Variants in ZNF536 observed in about 807,000 individuals in gnomAD.
ZNF536 encodes zinc finger protein 536.
In ZNF536, 13 loss-of-function variants were observed where a neutral mutation model predicts 84.5. That is an observed-to-expected ratio of 0.15 (90% CI 0.10 to 0.24). ZNF536 has a LOEUF of 0.24. Among genes scored for constraint, ZNF536 ranks in the 10% least tolerant of loss-of-function variants. ZNF536 has a pLI of 1.00. For synonymous variants in ZNF536, 811 were observed against 742.5 expected (o/e 1.09, Z -1.50); for missense variants, 1,536 against 1,747.5 (o/e 0.88, Z 2.16).
rs1446333389 is a variant in ZNF536 at position 30,549,113 on chromosome 19, C to T, written c.3494C>T (p.Ala1165Val). ...KNTTDDLSDI[A>V]SSEDMDSSKG... ...ACTACTGATGACCTCTCTGACATTG[C>T]CTCCTCAGAGGACATGGACTCCTCC... The change falls in exon 4 of 5, where the codon GCC becomes GTC. Residue 1165 changes from alanine (A) to valine (V), a missense_variant. Ala to Val is a moderately conservative substitution (Grantham distance 64). This residue lies in a region of ZNF536 where 624 missense variants were observed against 603.1 expected (regional missense o/e 1.03). Transcript: ENST00000355537. 6.2e-7 allele frequency: 1 copy of T among 1,614,166 alleles called. No individual in the cohort carries two copies. Among genetic ancestry groups the T allele is most frequent in the Non-Finnish European group, 8.5e-7 (1 of 1,180,056 alleles).
Position 30,711,136 on chromosome 19 carries a change from T to A in ZNF536, c.*135T>A, listed in dbSNP as rs867046488. 14 of 151,278 alleles carry A rather than the reference T, an allele frequency of 9.3e-5. No homozygotes were observed. In the Middle Eastern group the frequency reaches 0.014, roughly 147 times the overall value. The allele number at this position is 151,278 out of a possible 1,614,324, so 9.4% of individuals were successfully genotyped here. On this transcript the variant is annotated 3_prime_UTR_variant, in exon 2 of 2. Coordinates refer to the ZNF536 transcript ENST00000592773. Reference sequence around the variant, plus strand: ...AATAGTGTATAGAACATTTAAAAAATTTTAAAAGATATCTATATATATATT... The same window carrying A: ...AATAGTGTATAGAACATTTAAAAAAATTTAAAAGATATCTATATATATATT...
rs2148239346 is a variant in ZNF536, at chr19:30,445,783, A to G, written c.2170+51A>G. The G allele has an allele frequency of 6.6e-7, 1 of 1,513,146 alleles. No homozygotes were observed. The highest frequency in any genetic ancestry group is 8.8e-7 in the Non-Finnish European group (1 of 1,132,652). 93.7% of individuals were successfully genotyped at this position (1,513,146 alleles called of 1,614,324 possible). The stretch of plus-strand genomic sequence containing the variant: ...AGCAGCTTGTACAGCAGCCCTGCTC[A>G]GGGCTGCCTGGTTCTGCTCCCAGGC... On this transcript the variant is annotated intron_variant, in intron 2 of 4. Coordinates refer to ENST00000355537, the MANE Select transcript of ZNF536 (RefSeq NM_014717.3). The surrounding 1 kb of genome is among the most constrained non-coding windows in gnomAD (Gnocchi z 4.5).
chr19:30,476,055 A>G (rs895456627), intron 2 of ZNF536, among the ~76,000 whole-genome samples: 1 of 152,176 alleles, frequency 6.6e-6, no homozygotes, highest in Non-Finnish European at 1.5e-5. Flanking sequence ...ATGACTACCA[A>G]GGGCTCGTCT....
chr19:30,351,561 A>T (rs1249760070), intron 2 of ZNF536, among the ~76,000 whole-genome samples: 3 of 152,222 alleles, frequency 2.0e-5, no homozygotes, highest in Non-Finnish European at 4.4e-5. Context: ...ATTACAAGCA[A>T]TTTATCATTT....
At chr19:30,450,206 G>A (rs1052527468) in intron 2 of ZNF536, among the ~76,000 whole-genome samples, 2 of 151,826 alleles carry the variant, frequency 1.3e-5, no homozygotes, top group Non-Finnish European at 1.5e-5. Flanking sequence ...GTTGCCGAGC[G>A]AACAGCAGAT....
intron 1 of ZNF536, among the ~76,000 whole-genome samples, chr19:30,413,962 G>A (rs138778247): frequency 4.6e-5 from 7 of 151,726 alleles, no homozygotes; most frequent in African/African-American, 1.4e-4. Flanking sequence ...GCGTGGCGGC[G>A]GGTGCCTATA....
At chr19:30,304,280 C>T (rs182460410) in intron 2 of ZNF536, among the ~76,000 whole-genome samples, 39 of 152,356 alleles carry the variant, frequency 2.6e-4, no homozygotes, top group Middle Eastern at 3.4e-3. Flanking sequence ...GAAAACGGCG[C>T]AGACGAAGGC....
chr19:30,675,061 A>C (rs1037226341), intron 1 of ZNF536, among the ~76,000 whole-genome samples: 5 of 152,154 alleles, frequency 3.3e-5, no homozygotes, highest in African/African-American at 9.7e-5. Context: ...GTGCTCCACG[A>C]GGCTCAGTTT....
At chr19:30,319,638 C>A (rs1437100214) in intron 2 of ZNF536, among the ~76,000 whole-genome samples, 1 of 152,222 alleles carries the variant, frequency 6.6e-6, no homozygotes, top group Non-Finnish European at 1.5e-5. Context: ...ATATTTATAT[C>A]TCTTGTTAAA....
Position 30,636,780 on chromosome 19 carries a change from T to C in ZNF536, c.170-73977T>C, listed in dbSNP as rs2049083838. 1.3e-5 allele frequency among the ~76,000 whole-genome samples: 2 copies of C among 152,194 alleles called. 1 individual carries two copies. Among genetic ancestry groups the C allele is most frequent in the South Asian group, 4.1e-4 (2 of 4,828 alleles). ...CTTCATGTAGAGTGGGATCATTTTC[T>C]GGACCTGGCTGCAGCCTGTTGCGGG... On this transcript the variant is annotated intron_variant, in intron 1 of 1. Transcript: ENST00000592773.
chr19:30,358,433 G>T lies in ZNF536; in HGVS notation c.-3+5949G>T, dbSNP rs115436481. Reference sequence around the variant, plus strand: ...TTGTGGTAAACTGAGGCTCCAGCTTGTGTCTGGGTGGTGGGGTTTGTGTCT... The same window carrying T: ...TTGTGGTAAACTGAGGCTCCAGCTTTTGTCTGGGTGGTGGGGTTTGTGTCT... On this transcript the variant is annotated intron_variant, in intron 3 of 5. Coordinates refer to the ZNF536 transcript ENST00000585628. Among the ~76,000 whole-genome samples the T allele has an allele frequency of 2.1e-3, 319 of 152,336 alleles. 1 individual carries two copies. Among genetic ancestry groups the T allele is most frequent in the African/African-American group, 7.0e-3 (292 of 41,588 alleles).
At chr19:30,227,864 G>A (rs1043015472), upstream of ZNF536, among the ~76,000 whole-genome samples, 2 of 150,410 alleles carry the variant, frequency 1.3e-5, no homozygotes, top group Non-Finnish European at 3.0e-5. Context: ...CGGTGTAGAG[G>A]CGCGGAGGGG....
intron 1 of ZNF536, among the ~76,000 whole-genome samples, chr19:30,434,504 A>G (rs1289371694): frequency 6.6e-6 from 1 of 152,208 alleles, no homozygotes; most frequent in African/African-American, 2.4e-5. Flanking sequence ...TGTTGCAAAA[A>G]GCCAGCCTGG....
rs2050781073 is a variant in ZNF536, at chr19:30,417,443, GAGA to G, written c.-2-26115_-2-26113del. Among the ~76,000 whole-genome samples the G allele has an allele frequency of 2.6e-5, 4 of 152,214 alleles. No homozygotes were observed. In the South Asian group the frequency reaches 8.3e-4, roughly 32 times the overall value. ...CCATTTCCAGGGATTTGAGGTGGCA[GAGA>G]AGGAGGGTGAATGTGTCCAGTTTTC... is the stretch of plus-strand genomic sequence containing the variant. On this transcript the variant is annotated intron_variant, in intron 1 of 4. Transcript: ENST00000355537.
chr19:30,303,915 C>G (rs920247304), intron 2 of ZNF536, among the ~76,000 whole-genome samples: 7 of 152,196 alleles, frequency 4.6e-5, no homozygotes, highest in African/African-American at 1.7e-4. Flanking sequence ...TCCTTCGTCA[C>G]TGGTGTGTGT....
chr19:30,532,340 A>G (rs1030112291), intron 2 of ZNF536, among the ~76,000 whole-genome samples: 24 of 152,008 alleles, frequency 1.6e-4, no homozygotes, highest in African/African-American at 5.6e-4. Flanking sequence ...CCTGTTGGCC[A>G]GGCTAGTCTT....
At chr19:30,608,799 G>T (rs531962541) in intron 1 of ZNF536, among the ~76,000 whole-genome samples, 2 of 152,304 alleles carry the variant, frequency 1.3e-5, no homozygotes, top group African/African-American at 4.8e-5. Flanking sequence ...GAAGATATAG[G>T]ACTTTCACTC....
intron 3 of ZNF536, among the ~76,000 whole-genome samples, chr19:30,357,733 G>T (rs186188072): frequency 6.6e-6 from 1 of 152,062 alleles, no homozygotes; most frequent in Non-Finnish European, 1.5e-5. Context: ...GTGCAGCCCC[G>T]GGAGGCCTGA....
intron 1 of ZNF536, among the ~76,000 whole-genome samples, chr19:30,694,690 A>G (rs2051578281): frequency 6.6e-6 from 1 of 152,080 alleles, no homozygotes; most frequent in African/African-American, 2.4e-5. Flanking sequence ...TTTTTAAAGA[A>G]ATAGTGTTGG....
Sources: gnomAD v4.1 joint callset for allele counts (sites outside exome capture counted in the v4.1 genomes callset) on GRCh38, gnomAD v4.1.1 for gene constraint, gnomAD v4.1.1 regional missense constraint, Gnocchi (gnomAD v3.1) non-coding constraint, MANE v1.5 for transcripts, NCBI Gene and HGNC (gene_info 2026-07-23, HGNC 2026-07-21) for gene names.